Variants in PTTG1IP2 observed in about 807,000 individuals in gnomAD.
PTTG1IP2 encodes the protein PTTG1IP family member 2.
At chr7:90,473,909 T>C (rs919076132) in intron 1 of PTTG1IP2, among the ~76,000 whole-genome samples, 23 of 152,254 alleles carry the variant, frequency 1.5e-4, no homozygotes, top group African/African-American at 5.1e-4. Flanking sequence ...TAAATGGTTG[T>C]TGTGAGGATC....
chr7:90,510,628 G>A (rs1040105616), intron 6 of PTTG1IP2, among the ~76,000 whole-genome samples: 2 of 152,180 alleles, frequency 1.3e-5, no homozygotes. Context: ...GAAGAAAATT[G>A]AAGGTAATTG....
intron 6 of PTTG1IP2, among the ~76,000 whole-genome samples, chr7:90,498,010 C>T (rs941087987): frequency 5.3e-5 from 8 of 151,574 alleles, no homozygotes; most frequent in Non-Finnish European, 7.4e-5. Context: ...ATTGTTATAT[C>T]CTCTTGATGA....
At chr7:90,507,895 A>G (rs891319517) in intron 6 of PTTG1IP2, among the ~76,000 whole-genome samples, 1 of 152,196 alleles carries the variant, frequency 6.6e-6, no homozygotes, top group South Asian at 2.1e-4. Flanking sequence ...GGAACTTTAC[A>G]GGGTACCATA....
In PTTG1IP2 at chr7:90,480,076, T is replaced by C. The variant is rs535422884; in HGVS notation, c.192+802T>C. 1.4e-3 allele frequency among the ~76,000 whole-genome samples: 207 copies of C among 152,342 alleles called. 2 individuals are homozygous for C. Among genetic ancestry groups the C allele is most frequent in the African/African-American group, 4.7e-3 (194 of 41,578 alleles). ...CTTACATGCTTTCCACAGCCAGCGATGACCCAGACATACTCTTTATACAGT... is the reference window on the plus strand; with the variant it reads ...CTTACATGCTTTCCACAGCCAGCGACGACCCAGACATACTCTTTATACAGT... On this transcript the variant is annotated intron_variant, in intron 2 of 6. Transcript: ENST00000509356.
chr7:90,473,272 G>A (rs374325164), intron 1 of PTTG1IP2, among the ~76,000 whole-genome samples: 1 of 152,172 alleles, frequency 6.6e-6, no homozygotes, highest in African/African-American at 2.4e-5. Context: ...ATTGAAGAGG[G>A]AAAGGTCTTT....
At chr7:90,470,963 C>CAAAAAAAAAAAAAAAAGAAAAA (rs1797677765) in intron 1 of PTTG1IP2, among the ~76,000 whole-genome samples, 3 of 108,110 alleles carry the variant, frequency 2.8e-5, no homozygotes, top group East Asian at 4.7e-4. Context: ...TGATGAAGAA[C>CAAAAAAAAAAAAAAAAGAAAAA]AAAAAAAAAA....
At chr7:90,503,386 G>C (rs1798083664) in intron 6 of PTTG1IP2, among the ~76,000 whole-genome samples, 2 of 152,216 alleles carry the variant, frequency 1.3e-5, no homozygotes, top group African/African-American at 4.8e-5. Context: ...TGGAATAGCA[G>C]TTTTAATTTC....
intron 1 of PTTG1IP2, among the ~76,000 whole-genome samples, chr7:90,475,831 C>A (rs1797741860): frequency 6.6e-6 from 1 of 151,598 alleles, no homozygotes; most frequent in Non-Finnish European, 1.5e-5. Context: ...TGGTGGTGCA[C>A]ACCTGTAGTC....
intron 1 of PTTG1IP2, among the ~76,000 whole-genome samples, chr7:90,475,404 G>T (rs999257998): frequency 3.3e-5 from 5 of 152,202 alleles, no homozygotes; most frequent in Admixed American, 3.3e-4. Flanking sequence ...TATTCTCATG[G>T]AGATAGCCAT....
intron 6 of PTTG1IP2, among the ~76,000 whole-genome samples, chr7:90,507,322 C>G (rs1017100821): frequency 1.6e-4 from 24 of 152,088 alleles, no homozygotes; most frequent in Non-Finnish European, 2.9e-4. Context: ...TAAAATGTGA[C>G]AAGCATTTTT....
At chr7:90,471,370 G>A (rs1207950752) in intron 1 of PTTG1IP2, among the ~76,000 whole-genome samples, 1 of 152,162 alleles carries the variant, frequency 6.6e-6, no homozygotes, top group Non-Finnish European at 1.5e-5. Flanking sequence ...CCCTAAGCAG[G>A]TTGTTTTGAT....
intron 1 of PTTG1IP2, among the ~76,000 whole-genome samples, chr7:90,476,229 T>C (rs1797746702): frequency 1.3e-5 from 2 of 152,192 alleles, no homozygotes; most frequent in Admixed American, 6.5e-5. Context: ...CTAAATAATT[T>C]ATTATAATTC....
chr7:90,471,116 G>C (rs1468423664), intron 1 of PTTG1IP2, among the ~76,000 whole-genome samples: 2 of 152,184 alleles, frequency 1.3e-5, no homozygotes, highest in African/African-American at 4.8e-5. Context: ...GAAACACCTT[G>C]CCTGCCAAGG....
chr7:90,492,611 A>C (rs1276037169), intron 5 of PTTG1IP2, among the ~76,000 whole-genome samples: 1 of 152,216 alleles, frequency 6.6e-6, no homozygotes, highest in East Asian at 1.9e-4. Flanking sequence ...TCATAACAAC[A>C]GATTTCATTT....
chr7:90,487,699 C>A (rs1333426031), intron 3 of PTTG1IP2, among the ~76,000 whole-genome samples: 1 of 152,116 alleles, frequency 6.6e-6, no homozygotes, highest in Non-Finnish European at 1.5e-5. Flanking sequence ...TTGTTTGCAG[C>A]AATTATTCAT....
chr7:90,507,316 A>C (rs921550593), intron 6 of PTTG1IP2, among the ~76,000 whole-genome samples: 1 of 152,208 alleles, frequency 6.6e-6, no homozygotes, highest in African/African-American at 2.4e-5. Flanking sequence ...TTCTCCTAAA[A>C]TGTGACAAGC....
At chr7:90,510,195 T>A (rs1798171125) in intron 6 of PTTG1IP2, among the ~76,000 whole-genome samples, 1 of 152,198 alleles carries the variant, frequency 6.6e-6, no homozygotes, top group African/African-American at 2.4e-5. Flanking sequence ...AAATTGGCTT[T>A]CCCTCAATTA....
At chr7:90,510,690 CTTT>C (rs1798179000) in intron 6 of PTTG1IP2, among the ~76,000 whole-genome samples, 3 of 152,110 alleles carry the variant, frequency 2.0e-5, no homozygotes, top group African/African-American at 7.2e-5. Flanking sequence ...AGTTCAAGAA[CTTT>C]TATTATAGAA....
chr7:90,505,398 A>G (rs184584522), intron 6 of PTTG1IP2, among the ~76,000 whole-genome samples: 46 of 152,336 alleles, frequency 3.0e-4, no homozygotes, highest in African/African-American at 1.1e-3. Flanking sequence ...GTTTGCTTTT[A>G]CAATTTGGAT....
Sources: gnomAD v4.1 joint callset for allele counts (sites outside exome capture counted in the v4.1 genomes callset) on GRCh38, gnomAD v4.1.1 for gene constraint, MANE v1.5 for transcripts, NCBI Gene and HGNC (gene_info 2026-07-23, HGNC 2026-07-21) for gene names.